C11orf65: variants seen among roughly 807,000 people sequenced by gnomAD.
C11orf65 encodes the protein protein MFI.
A neutral mutation model predicts 35.3 loss-of-function variants in C11orf65; 38 were observed. The ratio of observed to expected loss-of-function variants is 1.08; its 90% confidence interval spans 0.83 to 1.41. The LOEUF (loss-of-function observed/expected upper bound fraction) is 1.41, where lower values mean the gene tolerates loss of function less well. C11orf65 is among the 40% of genes most tolerant of loss of function. The pLI is 0.00. For synonymous variants in C11orf65, 105 were observed against 114.4 expected (o/e 0.92, Z 0.53); for missense variants, 370 against 367.1 (o/e 1.01, Z -0.06).
chr11:108,416,031 T>C (rs7127490), intron 3 of C11orf65, among the ~76,000 whole-genome samples: 94,332 of 151,986 alleles, frequency 0.62, 29,581 homozygotes, highest in Middle Eastern at 0.76. Context: ...GAAGATAACA[T>C]AGGAGGAAAT....
chr11:108,353,992 G>T (rs1198251837), intron 2 of C11orf65: 29 of 1,047,316 alleles, frequency 2.8e-5, no homozygotes, highest in Non-Finnish European at 4.2e-5. Flanking sequence ...GAAGTGGGAG[G>T]ATTGTTTGAG....
intron 8 of C11orf65, among the ~76,000 whole-genome samples, chr11:108,385,291 C>T (rs191686939): frequency 2.6e-5 from 4 of 152,182 alleles, no homozygotes; most frequent in African/African-American, 7.2e-5. Flanking sequence ...AGGCTGGTCT[C>T]GAACTCCTGA....
At chr11:108,450,188 C>A (rs528007285) in intron 2 of C11orf65, among the ~76,000 whole-genome samples, 2 of 151,976 alleles carry the variant, frequency 1.3e-5, no homozygotes, top group East Asian at 3.9e-4. Flanking sequence ...GTTGGTGGGA[C>A]TGTAAACTAG....
rs563470321 is a variant in C11orf65 at position 108,373,375 on chromosome 11, C to T, written c.226+19833G>A. Among the ~76,000 whole-genome samples the T allele has an allele frequency of 2.2e-3, 342 of 152,228 alleles. 1 individual carries two copies. The highest frequency in any genetic ancestry group is 3.6e-3 in the Non-Finnish European group (246 of 68,016). On this transcript the variant is annotated intron_variant, in intron 2 of 3. Transcript: ENST00000524755. ...ACATCTGTGAAAAACTTACAGCTCA[C>T]GTCATATTTAATGATGAAAACCTTG...
chr11:108,396,904 T>C (rs1388210475), intron 6 of C11orf65, among the ~76,000 whole-genome samples: 1 of 151,132 alleles, frequency 6.6e-6, no homozygotes, highest in African/African-American at 2.4e-5. Flanking sequence ...TATAATTAAA[T>C]GGTATAAATA....
At chr11:108,409,675 A>C (rs1173309949) in intron 3 of C11orf65, among the ~76,000 whole-genome samples, 4 of 152,084 alleles carry the variant, frequency 2.6e-5, no homozygotes, top group Non-Finnish European at 4.4e-5. Flanking sequence ...GTACCAGTCC[A>C]TGGCCTGTTA....
rs876658989 is a variant in C11orf65 at position 108,310,264 on chromosome 11, T to A, written c.641-1193A>T. On this transcript the variant is annotated intron_variant, in intron 6 of 6. Coordinates refer to the C11orf65 transcript ENST00000525729. The stretch of plus-strand genomic sequence containing the variant: ...TGTGCTGCTCACTTTACAGCTTTAC[T>A]CTATGCAGAAATCTATGCAGATAAG... The A allele has an allele frequency of 9.9e-6, 16 of 1,613,476 alleles. No individual in the cohort carries two copies. In the East Asian group the frequency reaches 3.6e-4, roughly 36 times the overall value.
intron 2 of C11orf65, among the ~76,000 whole-genome samples, chr11:108,372,345 CA>C (rs1424415767): frequency 6.6e-6 from 1 of 152,172 alleles, no homozygotes; most frequent in South Asian, 2.1e-4. Context: ...AGGTGCCCAC[CA>C]CCATGTCCAG....
At chr11:108,369,706 T>G (rs1331852964) in intron 2 of C11orf65, among the ~76,000 whole-genome samples, 1 of 152,144 alleles carries the variant, frequency 6.6e-6, no homozygotes, top group African/African-American at 2.4e-5. Flanking sequence ...TATGTAGAAA[T>G]ATATACTTTC....
At chr11:108,397,916 G>A (rs1275212057) in intron 6 of C11orf65, among the ~76,000 whole-genome samples, 3 of 152,174 alleles carry the variant, frequency 2.0e-5, no homozygotes, top group Non-Finnish European at 4.4e-5. Context: ...CAAATACACA[G>A]TTAATTGCAA....
chr11:108,343,380 C>T lies in C11orf65; in HGVS notation c.227-8088G>A. 1 of 1,613,668 alleles carries T rather than the reference C, an allele frequency of 6.2e-7. No homozygotes were observed. The highest frequency in any genetic ancestry group is 8.5e-7 in the Non-Finnish European group (1 of 1,179,714). On this transcript the variant is annotated intron_variant, in intron 2 of 3. Transcript: ENST00000524755. ...GCCAAAAGAAAATGATGGTGAGTGA[C>T]ACCCAAAATTAAAGGTTATTGTAAG...
chr11:108,354,246 A>G, intron 2 of C11orf65, among the ~76,000 whole-genome samples: 1 of 152,200 alleles, frequency 6.6e-6, no homozygotes, highest in African/African-American at 2.4e-5. Context: ...AGCCCATGTA[A>G]CATACATACT....
chr11:108,417,569 A>C (rs1591510376), intron 3 of C11orf65, among the ~76,000 whole-genome samples: 1 of 117,020 alleles, frequency 8.5e-6, no homozygotes. Context: ...ACAAACAAAC[A>C]AAAAAAAACC....
At chr11:108,337,310 A>G (rs939836368) in intron 2 of C11orf65, among the ~76,000 whole-genome samples, 7 of 152,200 alleles carry the variant, frequency 4.6e-5, no homozygotes, top group African/African-American at 1.7e-4. Flanking sequence ...AATAATAACT[A>G]ACATAATAGA....
At chr11:108,407,225 T>C (rs1414942846) in intron 3 of C11orf65, 76 bp from the exon 4 acceptor site, 12 of 1,021,302 alleles carry the variant, frequency 1.2e-5, no homozygotes, top group Non-Finnish European at 1.7e-5. Flanking sequence ...TCTCACTCTA[T>C]TATTTTAAAT....
At chr11:108,383,583 T>C (rs2091913859) in intron 8 of C11orf65, among the ~76,000 whole-genome samples, 1 of 152,234 alleles carries the variant, frequency 6.6e-6, no homozygotes, top group Admixed American at 6.5e-5. Flanking sequence ...CTGTAACTAT[T>C]AGCTAACTTC....
intron 3 of C11orf65, among the ~76,000 whole-genome samples, chr11:108,411,498 C>T (rs905612342): frequency 6.6e-6 from 1 of 152,132 alleles, no homozygotes; most frequent in Non-Finnish European, 1.5e-5. Context: ...CTCTATATAT[C>T]AATTAGGTAA....
chr11:108,431,283 G>A (rs76168338), intron 3 of C11orf65, among the ~76,000 whole-genome samples: 3,332 of 152,040 alleles, frequency 0.022, 92 homozygotes, highest in African/African-American at 0.069. Flanking sequence ...ATCAACTGTA[G>A]AATGAATAAA....
chr11:108,373,112 A>G (rs1418258009), intron 2 of C11orf65, among the ~76,000 whole-genome samples: 1 of 152,106 alleles, frequency 6.6e-6, no homozygotes, highest in African/African-American at 2.4e-5. Flanking sequence ...AAAACTAAAG[A>G]CCAATATCCT....
Sources: allele counts gnomAD v4.1 joint callset (sites outside exome capture counted in the v4.1 genomes callset), GRCh38; gene constraint gnomAD v4.1.1; transcripts MANE v1.5; gene names NCBI Gene and HGNC (gene_info 2026-07-23, HGNC 2026-07-21).